Variants in BOK observed in about 807,000 individuals in gnomAD.
BOK encodes the protein BCL2 family apoptosis regulator BOK.
A neutral mutation model predicts 18.3 loss-of-function variants in BOK; 20 were observed. The observed-to-expected ratio is 1.09, with a 90% confidence interval of 0.77 to 1.59. The LOEUF (loss-of-function observed/expected upper bound fraction) is 1.59, where lower values mean the gene tolerates loss of function less well. BOK is among the 40% of genes most tolerant of loss of function. The pLI is 0.00. For synonymous variants in BOK, 173 were observed against 142.4 expected, an observed-to-expected ratio of 1.21 and a Z score of -1.53; for missense variants, 348 against 307.9, an observed-to-expected ratio of 1.13 and a Z score of -0.97.
intron 2 of BOK, among the ~76,000 whole-genome samples, chr2:241,561,065 A>G (rs979504018): frequency 1.3e-5 from 2 of 152,146 alleles, no homozygotes; most frequent in African/African-American, 2.4e-5. Flanking sequence ...GGGAATTTCC[A>G]TGTCGTCCCC....
chr2:241,553,035 G>A (rs916072814), intron 1 of BOK, among the ~76,000 whole-genome samples: 4 of 152,238 alleles, frequency 2.6e-5, no homozygotes, highest in African/African-American at 9.6e-5. Flanking sequence ...GAGTGAGGTG[G>A]CCGGCACAAA....
upstream of BOK, among the ~76,000 whole-genome samples, chr2:241,556,222 G>C (rs577524311): frequency 1.3e-5 from 2 of 152,184 alleles, no homozygotes; most frequent in Admixed American, 1.3e-4. Context: ...AGATTTTACT[G>C]TACTACAGCT....
chr2:241,553,612 C>T (rs1239281230), intron 1 of BOK, among the ~76,000 whole-genome samples: 3 of 152,120 alleles, frequency 2.0e-5, no homozygotes, highest in Admixed American at 6.5e-5. Flanking sequence ...GAGAGTGAAG[C>T]GGAAGGTGCC....
intron 3 of BOK, among the ~76,000 whole-genome samples, chr2:241,565,217 C>T (rs1242254344): frequency 1.3e-5 from 2 of 151,970 alleles, no homozygotes; most frequent in African/African-American, 2.4e-5. Flanking sequence ...GCTTGTCCCA[C>T]GCAGGCCCGG....
At chr2:241,552,132 A>G (rs1396963308) in intron 1 of BOK, among the ~76,000 whole-genome samples, 1 of 152,182 alleles carries the variant, frequency 6.6e-6, no homozygotes, top group African/African-American at 2.4e-5. Context: ...GCAGCCAGGC[A>G]GCTGCTACCT....
upstream of BOK, among the ~76,000 whole-genome samples, chr2:241,553,996 G>A (rs2066433120): frequency 6.6e-6 from 1 of 152,178 alleles, no homozygotes; most frequent in Non-Finnish European, 1.5e-5. Context: ...GGAAATGGAT[G>A]ACAGATCTAC....
In BOK at chr2:241,559,781, G is replaced by C. The variant is rs1310148696; in HGVS notation, c.220+78G>C. The C allele has an allele frequency of 9.5e-6, 12 of 1,262,262 alleles. No homozygotes were observed. The African/African-American group carries it at 1.9e-4, about 20-fold the overall frequency. The allele number at this position is 1,262,262 out of a possible 1,614,324, so 78.2% of individuals were successfully genotyped here. ...CAGCCTCCCTCCGAGGCCGAGATGG[G>C]GGTCCGGCCCAGGGGCGCCCACCCC... On this transcript the variant is annotated intron_variant, in intron 2 of 4. Transcript: ENST00000318407.
At chr2:241,554,130 G>A (rs191279189), upstream of BOK, among the ~76,000 whole-genome samples, 99 of 152,340 alleles carry the variant, frequency 6.5e-4, no homozygotes, top group South Asian at 1.0e-3. Flanking sequence ...TCTCCAAGGC[G>A]GCACAAGGCC....
At chr2:241,568,016 C>T (rs1027660207) in intron 3 of BOK, among the ~76,000 whole-genome samples, 1 of 152,104 alleles carries the variant, frequency 6.6e-6, no homozygotes. Flanking sequence ...ATTTTGCATC[C>T]ACGGACTCAC....
At chr2:241,571,743 A>G (rs750570942) in intron 4 of BOK, among the ~76,000 whole-genome samples, 17 of 152,230 alleles carry the variant, frequency 1.1e-4, no homozygotes, top group Non-Finnish European at 2.1e-4. Context: ...AGTGAAGGGA[A>G]TAAGAGAATT....
intron 3 of BOK, among the ~76,000 whole-genome samples, chr2:241,568,940 C>T (rs1030826564): frequency 1.3e-5 from 2 of 152,072 alleles, no homozygotes; most frequent in Admixed American, 6.5e-5. Context: ...ACAGTGTCCT[C>T]AGGCTAACTC....
In BOK at chr2:241,573,502, C is replaced by G. The variant is rs1437606805; in HGVS notation, c.*1080C>G. The G allele has an allele frequency of 6.6e-6, 1 of 152,394 alleles. No individual in the cohort carries two copies. Among genetic ancestry groups the G allele is most frequent in the Non-Finnish European group, 1.5e-5 (1 of 68,152 alleles). 9.4% of individuals were successfully genotyped at this position (152,394 alleles called of 1,614,324 possible). On this transcript the variant is annotated 3_prime_UTR_variant, in exon 5 of 5. Coordinates refer to ENST00000318407, the MANE Select transcript of BOK (RefSeq NM_032515.5). ...GTGGGGACTCAGCCTGTAAACAGAG[C>G]GTAAGGTTCACATGCTGGTTGCTTA...
At chr2:241,551,951 C>T (rs10189288) in intron 1 of BOK, among the ~76,000 whole-genome samples, 49,315 of 151,888 alleles carry the variant, frequency 0.32, 10,592 homozygotes, top group African/African-American at 0.61. Flanking sequence ...TCTGAGGAAA[C>T]GCCGGGTGGC....
At position 241,570,297 on chromosome 2, in the gene BOK, C is replaced by T. The variant is rs2066694598; in HGVS notation, c.513+9C>T. ...GGAGACGCGGCGGATGGGTGAGCGC[C>T]TGAGTGCCCGTGTGGGTGGGAGAGC... On this transcript the variant is annotated intron_variant, in intron 4 of 4. Transcript: ENST00000318407. 6.5e-7 allele frequency: 1 copy of T among 1,548,380 alleles called. No homozygotes were observed.
intron 3 of BOK, among the ~76,000 whole-genome samples, chr2:241,566,056 G>A (rs2066606303): frequency 6.6e-6 from 1 of 151,972 alleles, no homozygotes. Context: ...AGGCCGAGGT[G>A]GGTGGATCAC....
At chr2:241,560,725 T>C (rs2066515588) in intron 2 of BOK, among the ~76,000 whole-genome samples, 1 of 152,070 alleles carries the variant, frequency 6.6e-6, no homozygotes, top group South Asian at 2.1e-4. Flanking sequence ...TTGGTGGGGC[T>C]CCATGAGATC....
intron 4 of BOK, among the ~76,000 whole-genome samples, chr2:241,571,144 C>T (rs1428648538): frequency 1.3e-5 from 2 of 151,962 alleles, no homozygotes; most frequent in Non-Finnish European, 2.9e-5. Context: ...CTCTCCTCTG[C>T]CCAGATCCAG....
intron 4 of BOK, 95 bp from the exon 5 acceptor site, chr2:241,572,202 C>T: frequency 6.5e-7 from 1 of 1,534,724 alleles, no homozygotes; most frequent in Admixed American, 1.9e-5. Flanking sequence ...TGCAATTTTG[C>T]TGATATTCTG....
upstream of BOK, among the ~76,000 whole-genome samples, chr2:241,556,318 C>T (rs1222058999): frequency 1.3e-5 from 2 of 152,250 alleles, no homozygotes; most frequent in Non-Finnish European, 2.9e-5. Context: ...GGCGCTGTGG[C>T]TTACGCCTAT....
Sources: gnomAD v4.1 joint callset for allele counts (sites outside exome capture counted in the v4.1 genomes callset) on GRCh38, gnomAD v4.1.1 for gene constraint, MANE v1.5 for transcripts, NCBI Gene and HGNC (gene_info 2026-07-23, HGNC 2026-07-21) for gene names.